Variants in TRAF1 observed in about 807,000 individuals in gnomAD.
TRAF1 encodes the protein TNF receptor-associated factor 1.
Under a neutral mutation model 40.9 loss-of-function variants are expected in TRAF1, and 23 were observed. That is an observed-to-expected ratio of 0.56 (90% CI 0.40 to 0.80). The LOEUF is 0.80. TRAF1 is among the 30% of genes least tolerant of loss of function. The pLI is 0.00. For missense variants in TRAF1, 477 were observed against 528.7 expected (o/e 0.90, Z 0.96); for synonymous variants, 206 against 218.8 (o/e 0.94, Z 0.52).
intron 3 of TRAF1, among the ~76,000 whole-genome samples, chr9:120,917,884 C>T (rs959627775): frequency 1.3e-5 from 2 of 152,134 alleles, no homozygotes; most frequent in Non-Finnish European, 2.9e-5. Flanking sequence ...GCAACCCCCA[C>T]CCAAATCAGA....
upstream of TRAF1, chr9:120,927,133 C>CA (rs2046646585): frequency 2.0e-5 from 3 of 152,358 alleles, no homozygotes; most frequent in East Asian, 3.9e-4. Flanking sequence ...CAAAGGCACA[C>CA]AGCCTCTGGT....
In TRAF1 at chr9:120,923,800, A is replaced by T. The variant is rs1261706156; in HGVS notation, c.141-8T>A. 6 of 1,613,800 alleles carry T rather than the reference A, an allele frequency of 3.7e-6. No individual in the cohort carries two copies. The highest frequency in any genetic ancestry group is 5.1e-6 in the Non-Finnish European group (6 of 1,179,844). On this transcript the variant is annotated splice_polypyrimidine_tract_variant and splice_region_variant and intron_variant, in intron 2 of 7. Coordinates refer to ENST00000373887, the MANE Select transcript of TRAF1 (RefSeq NM_005658.5). ...ATCTGATCCTCGCCATTCCTGGGGA[A>T]ACATGGACAAAGCCTTGGAGAGAGG...
intron 2 of TRAF1, among the ~76,000 whole-genome samples, chr9:120,924,473 G>A (rs1163376390): frequency 6.6e-6 from 1 of 152,094 alleles, no homozygotes; most frequent in Admixed American, 6.5e-5. Flanking sequence ...GGAGTGCAGT[G>A]GTGCGATCTC....
At position 120,909,340 on chromosome 9, in the gene TRAF1, G is replaced by T. The variant is rs776918483; in HGVS notation, c.922C>A (p.Arg308=). The T allele has an allele frequency of 6.2e-7, 1 of 1,614,002 alleles. No homozygotes were observed. The highest frequency in any genetic ancestry group is 8.5e-7 in the Non-Finnish European group (1 of 1,180,034). The change falls in exon 7 of 8, where the codon CGG becomes AGG. Residue 308 remains arginine (R), a synonymous_variant. Coordinates refer to ENST00000373887, the MANE Select transcript of TRAF1 (RefSeq NM_005658.5). ...GTGCCATCTCCATTCAGGTACAGCC[G>T]CAGGCACAACTTGTAGCCATACTTG... The part of the protein sequence containing the change: ...TAKYGYKLCL[R]LYLNGDGTGK...
chr9:120,919,653 G>A (rs554969606), intron 3 of TRAF1, among the ~76,000 whole-genome samples: 5 of 152,254 alleles, frequency 3.3e-5, no homozygotes, highest in South Asian at 2.1e-4. Context: ...CTGTCCGCCC[G>A]TTCCTGCCCT....
chr9:120,905,088 A>C lies in TRAF1; in HGVS notation c.1183T>G (p.Ser395Ala), dbSNP rs2046469971. The C allele has an allele frequency of 1.2e-6, 2 of 1,614,104 alleles. No individual in the cohort carries two copies. Among genetic ancestry groups the C allele is most frequent in the South Asian group, 1.1e-5 (1 of 91,092 alleles). Residue 395 changes from serine to alanine, a missense_variant, in exon 8 of 8, where the codon TCA (serine) becomes GCA (alanine). Physicochemically the swap from Ser to Ala is moderately conservative, Grantham distance 99. Coordinates refer to ENST00000373887, the MANE Select transcript of TRAF1 (RefSeq NM_005658.5). ...PLFFPLSKLQSPKHAYVKDDT... is the reference protein window; with the variant it reads ...PLFFPLSKLQAPKHAYVKDDT... Reference sequence around the variant, plus strand: ...TCCTTCACGTAGGCGTGCTTGGGTGACTGCAGTTTGCTGAGGGGGAAGAAG... The same window carrying C: ...TCCTTCACGTAGGCGTGCTTGGGTGCCTGCAGTTTGCTGAGGGGGAAGAAG...
At chr9:120,920,425 C>A (rs377096460) in intron 3 of TRAF1, among the ~76,000 whole-genome samples, 2 of 152,268 alleles carry the variant, frequency 1.3e-5, no homozygotes, top group East Asian at 1.9e-4. Context: ...ACAGCTTAAA[C>A]CCTTGTCACT....
Position 120,905,227 on chromosome 9 carries a change from C to A in TRAF1, c.1044G>T (p.Met348Ile). 6.2e-7 allele frequency: 1 copy of A among 1,610,354 alleles called. No individual in the cohort carries two copies. Among genetic ancestry groups the A allele is most frequent in the Non-Finnish European group, 8.5e-7 (1 of 1,178,246 alleles). The part of the protein sequence containing the change: ...PWPFRNKVTF[M>I]LLDQNNREHA... ...GCTCACGGTTGTTCTGGTCCAGCAG[C>A]ATGAAGGTGACCTGCAGGGAAGGGA... The change falls in exon 8 of 8, where the codon ATG becomes ATT. Residue 348 changes from methionine to isoleucine, a missense_variant. Met to Ile is a conservative substitution (Grantham distance 10). Transcript: ENST00000373887.
At chr9:120,928,416 C>A (rs1004436264), upstream of TRAF1, 2 of 152,448 alleles carry the variant, frequency 1.3e-5, no homozygotes. Flanking sequence ...GGGCCCGCCC[C>A]AGTTTCTATC....
intron 3 of TRAF1, among the ~76,000 whole-genome samples, chr9:120,922,014 C>G (rs1306279676): frequency 6.6e-6 from 1 of 152,188 alleles, no homozygotes; most frequent in Non-Finnish European, 1.5e-5. Flanking sequence ...TGCTGCTAGC[C>G]AAGCAGAGAA....
rs754581552 is a variant in TRAF1, at chr9:120,909,280, T to C, written c.982A>G (p.Ile328Val). The change falls in exon 7 of 8, where the codon ATC becomes GTC. Residue 328 changes from isoleucine to valine, a missense_variant. Ile to Val is a conservative substitution (Grantham distance 29). Transcript: ENST00000373887. ...AGCGCATCATACTCCCCTCTCATGATCACGATGAAGAGCGACAGATGGGTT... is the reference window on the plus strand; with the variant it reads ...AGCGCATCATACTCCCCTCTCATGACCACGATGAAGAGCGACAGATGGGTT... ...KRTHLSLFIVIMRGEYDALLP... is the reference protein window; with the variant it reads ...KRTHLSLFIVVMRGEYDALLP... 2.5e-6 allele frequency: 4 copies of C among 1,614,134 alleles called. No individual in the cohort carries two copies. The highest frequency in any genetic ancestry group is 1.7e-5 in the Admixed American group (1 of 60,018).
At chr9:120,906,684 T>C (rs1002879674) in intron 7 of TRAF1, among the ~76,000 whole-genome samples, 6 of 152,202 alleles carry the variant, frequency 3.9e-5, no homozygotes, top group Admixed American at 3.9e-4. Context: ...ACAGTTTACA[T>C]TGGCATTTAC....
intron 3 of TRAF1, among the ~76,000 whole-genome samples, chr9:120,921,081 G>A (rs2046601607): frequency 6.6e-6 from 1 of 152,136 alleles, no homozygotes; most frequent in Admixed American, 6.5e-5. Flanking sequence ...AGGTGGGGAA[G>A]CCAGCAGGGA....
intron 3 of TRAF1, among the ~76,000 whole-genome samples, chr9:120,923,074 A>G (rs1239780865): frequency 1.3e-5 from 2 of 152,188 alleles, no homozygotes; most frequent in African/African-American, 4.8e-5. Flanking sequence ...CCTGGGCTCA[A>G]GCTCTCCGCC....
rs2046553646 is a variant in TRAF1, at chr9:120,914,272, A to G, written c.257T>C (p.Ile86Thr). 1 of 1,536,966 alleles carries G rather than the reference A, an allele frequency of 6.5e-7. No homozygotes were observed. The highest frequency in any genetic ancestry group is 2.4e-5 in the East Asian group (1 of 42,376). ...GCCGACACCTGCAAAGGGGCACCCAATTCCAGCCTCAGCCACCTCGGGGTG... is the reference window on the plus strand; with the variant it reads ...GCCGACACCTGCAAAGGGGCACCCAGTTCCAGCCTCAGCCACCTCGGGGTG... ...KAHPEVAEAG[I>T]GCPFAGVGCS... Residue 86 changes from isoleucine to threonine, a missense_variant, in exon 4 of 8, where the codon ATT (isoleucine) becomes ACT (threonine). Transcript: ENST00000373887.
intron 3 of TRAF1, among the ~76,000 whole-genome samples, chr9:120,922,695 AAGGCAAACAG>A (rs2046613057): frequency 6.6e-6 from 1 of 152,180 alleles, no homozygotes; most frequent in Non-Finnish European, 1.5e-5. Flanking sequence ...TCCCCACCTA[AAGGCAAACAG>A]AGGCAGACAG....
intron 5 of TRAF1, 120 bp from the exon 6 acceptor site, chr9:120,911,633 T>C (rs2131623083): frequency 8.4e-7 from 1 of 1,184,256 alleles, no homozygotes; most frequent in Non-Finnish European, 1.2e-6. Context: ...CTCACTCAGG[T>C]GTGCGTCTGC....
intron 3 of TRAF1, among the ~76,000 whole-genome samples, chr9:120,915,394 C>T (rs2046562603): frequency 6.6e-6 from 1 of 152,160 alleles, no homozygotes; most frequent in Admixed American, 6.5e-5. Context: ...AGTAAGAATA[C>T]AGTACTATAC....
chr9:120,909,468 C>T (rs144954439), intron 6 of TRAF1, 90 bp from the exon 7 acceptor site: 28 of 1,473,078 alleles, frequency 1.9e-5, no homozygotes, highest in Admixed American at 1.5e-4. Context: ...CCAAGGTCAG[C>T]GGCTCAAAAC....
Sources: allele counts gnomAD v4.1 joint callset (sites outside exome capture counted in the v4.1 genomes callset), GRCh38; gene constraint gnomAD v4.1.1; transcripts MANE v1.5; gene names NCBI Gene and HGNC (gene_info 2026-07-23, HGNC 2026-07-21).